GRK1: variants seen among roughly 807,000 people sequenced by gnomAD.
The protein encoded by GRK1 is rhodopsin kinase GRK1.
GRK1 carries 28 observed loss-of-function variants against 41.7 expected under a neutral mutation model. The ratio of observed to expected loss-of-function variants is 0.67; its 90% CI spans 0.50 to 0.92. The LOEUF (loss-of-function observed/expected upper bound fraction) is 0.92. Ranked by LOEUF, GRK1 falls within the 40% of genes least tolerant of loss-of-function variation. GRK1 has a pLI of 0.00. For synonymous variants in GRK1, 327 were observed against 286.7 expected, an observed-to-expected ratio of 1.14 and a Z score of -1.42; for missense variants, 703 against 671.2, an observed-to-expected ratio of 1.05 and a Z score of -0.52.
chr13:113,671,673 G>T lies in GRK1; in HGVS notation c.985+17G>T, dbSNP rs781092568. The T allele has an allele frequency of 1.4e-6, 1 of 738,838 alleles. No individual in the cohort carries two copies. The highest frequency in any genetic ancestry group is 1.4e-5 in the South Asian group (1 of 71,460). The allele number at this position is 738,838 out of a possible 1,614,324, so 45.8% of individuals were successfully genotyped here. Reference sequence around the variant, plus strand: ...ACAATGACGGTAGGAGGTGCCCTCGGCTGGGAGGGATGAGGGCTACGAGGA... The same window carrying T: ...ACAATGACGGTAGGAGGTGCCCTCGTCTGGGAGGGATGAGGGCTACGAGGA... On this transcript the variant is annotated intron_variant, in intron 3 of 6. Transcript: ENST00000335678. The surrounding 1 kb of genome is among the most constrained non-coding windows in gnomAD (Gnocchi z 4.1).
rs962344291 is a variant in GRK1, at chr13:113,731,123, G to A, written c.1070-96G>A. 3 of 1,463,918 alleles carry A rather than the reference G, an allele frequency of 2.0e-6. No homozygotes were observed. In the African/African-American group the frequency reaches 4.2e-5, roughly 20 times the overall value. 90.7% of individuals were successfully genotyped at this position (1,463,918 alleles called of 1,614,324 possible). On this transcript the variant is annotated intron_variant, in intron 4 of 6. Coordinates refer to ENST00000335678, the MANE Select transcript of GRK1 (RefSeq NM_002929.3). This position sits in a 1 kb window ranked among gnomAD's most constrained non-coding sequence, Gnocchi z 5.6. ...TGTGGAGAGTGCTGAGGCCCCGGGG[G>A]GGATGCATCCCCAGAGCATCAGTCC...
chr13:113,649,437 G>A, the GRK1 span: 4 of 1,582,870 alleles, frequency 2.5e-6, no homozygotes, highest in African/African-American at 1.3e-5. This position sits in a 1 kb window ranked among gnomAD's most constrained non-coding sequence, Gnocchi z 4.7. Context: ...GATTGTTGAA[G>A]GTCACGTGCT....
chr13:113,733,877 GCATA>G lies in GRK1; in HGVS notation c.1396+794_1396+797del, dbSNP rs1162970196. Among the ~76,000 whole-genome samples the G allele has an allele frequency of 7.4e-4, 86 of 115,596 alleles. 1 individual carries two copies. The highest frequency in any genetic ancestry group is 5.6e-3 in the East Asian group (24 of 4,264). 75.8% of individuals were successfully genotyped at this position (115,596 alleles called of 152,430 possible). On this transcript the variant is annotated intron_variant, in intron 6 of 6. Transcript: ENST00000335678. ...TGTGTGCATACGTGTGTGCGTGTGT[GCATA>G]CGTGTGTGCGTGTGTGTATGTGTGC... is the stretch of plus-strand genomic sequence containing the variant.
At chr13:113,665,028 G>A (rs944178543), upstream of GRK1, among the ~76,000 whole-genome samples, 1 of 152,184 alleles carries the variant, frequency 6.6e-6, no homozygotes, top group East Asian at 1.9e-4. Flanking sequence ...ACGTCGGCTC[G>A]GTCTGCGGGC....
At chr13:113,668,575 T>C (rs2049835657) in intron 1 of GRK1, among the ~76,000 whole-genome samples, 1 of 152,238 alleles carries the variant, frequency 6.6e-6, no homozygotes, top group Non-Finnish European at 1.5e-5. Context: ...GGGCAGGAAC[T>C]GTTCCCCTGA....
the GRK1 span, among the ~76,000 whole-genome samples, chr13:113,655,540 C>A: frequency 2.6e-5 from 4 of 152,228 alleles, no homozygotes; most frequent in Non-Finnish European, 4.4e-5. Context: ...CTCCTGTGAG[C>A]TTCCCCTGCA....
At chr13:113,658,068 G>A in the GRK1 span, 61 of 1,610,180 alleles carry the variant, frequency 3.8e-5, no homozygotes, top group South Asian at 5.5e-5. Context: ...CATCTGCCCC[G>A]TGTCCGGGTT....
In GRK1 at chr13:113,736,436, A is replaced by C. The variant is rs141918575; in HGVS notation, c.*1073A>C. On this transcript the variant is annotated 3_prime_UTR_variant, in exon 7 of 7. Coordinates refer to ENST00000335678, the MANE Select transcript of GRK1 (RefSeq NM_002929.3). ...CTTCTCATACAGCTCGGCCCCACCC[A>C]CAATGCACCTGGCATTTCCAACTGC... 645 of 152,444 alleles carry C rather than the reference A, an allele frequency of 4.2e-3. No individual in the cohort carries two copies. Among genetic ancestry groups the C allele is most frequent in the African/African-American group, 0.015 (612 of 41,580 alleles). 9.4% of individuals were successfully genotyped at this position (152,444 alleles called of 1,614,324 possible). A position where few individuals can be genotyped will look rare whatever the true frequency, so the allele number is the denominator to read the frequency against.
At chr13:113,650,958 C>T in the GRK1 span, among the ~76,000 whole-genome samples, 4 of 152,012 alleles carry the variant, frequency 2.6e-5, no homozygotes, top group Non-Finnish European at 4.4e-5. This position sits in a 1 kb window ranked among gnomAD's most constrained non-coding sequence, Gnocchi z 5.0. Flanking sequence ...GGGTCATCAA[C>T]GAACAGCTGA....
chr13:113,666,152 G>A (rs2049817105), upstream of GRK1, among the ~76,000 whole-genome samples: 1 of 135,394 alleles, frequency 7.4e-6, no homozygotes, highest in Non-Finnish European at 1.5e-5. Context: ...TCTCAGGTGG[G>A]TCCCAAGTGT....
intron 4 of GRK1, among the ~76,000 whole-genome samples, chr13:113,725,024 G>A (rs2049882274): frequency 6.6e-6 from 1 of 152,240 alleles, no homozygotes; most frequent in East Asian, 1.9e-4. Context: ...CCCGTTCCTC[G>A]GAGCCCCAGG....
chr13:113,723,815 T>G (rs1408274472), intron 4 of GRK1, among the ~76,000 whole-genome samples: 1 of 149,296 alleles, frequency 6.7e-6, no homozygotes, highest in Admixed American at 6.7e-5. Context: ...TGTGCCTGTG[T>G]GCCCATGCCT....
chr13:113,729,724 G>A (rs1297641028), intron 4 of GRK1, among the ~76,000 whole-genome samples: 1 of 152,158 alleles, frequency 6.6e-6, no homozygotes, highest in Non-Finnish European at 1.5e-5. Context: ...GTCCTGTGAC[G>A]GTCCCCACAG....
chr13:113,665,111 G>A (rs150627409), upstream of GRK1, among the ~76,000 whole-genome samples: 55 of 152,268 alleles, frequency 3.6e-4, no homozygotes, highest in African/African-American at 1.2e-3. Flanking sequence ...CTTCTCCCAC[G>A]TGGAATGGGG....
chr13:113,655,323 G>A, the GRK1 span, among the ~76,000 whole-genome samples: 1 of 152,320 alleles, frequency 6.6e-6, no homozygotes, highest in South Asian at 2.1e-4. Context: ...CCCATCACAG[G>A]AAGGGAAACT....
At position 113,734,902 on chromosome 13, in the gene GRK1, C is replaced by T. The variant is rs142272274; in HGVS notation, c.1397-166C>T. Reference sequence around the variant, plus strand: ...GGTCTCAGGGGAACCCAGGGGCCTTCTGGGAACACTGGGCTTTCTCTCTCA... The same window carrying T: ...GGTCTCAGGGGAACCCAGGGGCCTTTTGGGAACACTGGGCTTTCTCTCTCA... On this transcript the variant is annotated intron_variant, in intron 6 of 6. Transcript: ENST00000335678. The T allele has an allele frequency of 1.5e-3, 963 of 637,952 alleles. 3 individuals carry two copies. The African/African-American group carries it at 0.016, about 11-fold the overall frequency. The allele number at this position is 637,952 out of a possible 1,614,324, so 39.5% of individuals were successfully genotyped here. A position where few individuals can be genotyped will look rare whatever the true frequency, so the allele number is the denominator to read the frequency against.
At chr13:113,654,942 A>G in the GRK1 span, 1 of 1,613,782 alleles carries the variant, frequency 6.2e-7, no homozygotes, top group Non-Finnish European at 8.5e-7. Flanking sequence ...GCTGATCCAC[A>G]CTGCGACACA....
intron 1 of GRK1, among the ~76,000 whole-genome samples, chr13:113,668,766 C>G (rs1233876408): frequency 2.0e-5 from 3 of 152,230 alleles, no homozygotes; most frequent in Non-Finnish European, 4.4e-5. Flanking sequence ...TGAGCCAGCC[C>G]CCTGCACTTT....
At chr13:113,730,519 A>G (rs933312586) in intron 4 of GRK1, among the ~76,000 whole-genome samples, 1 of 149,206 alleles carries the variant, frequency 6.7e-6, no homozygotes, top group Admixed American at 6.6e-5. Context: ...GGCTGAGCCC[A>G]GAGCCATCCC....
Sources: gnomAD v4.1 joint callset for allele counts (sites outside exome capture counted in the v4.1 genomes callset) on GRCh38, gnomAD v4.1.1 for gene constraint, Gnocchi (gnomAD v3.1) non-coding constraint, MANE v1.5 for transcripts, NCBI Gene and HGNC (gene_info 2026-07-23, HGNC 2026-07-21) for gene names.